PCLO: variants seen among roughly 807,000 people sequenced by gnomAD.
PCLO encodes the protein piccolo presynaptic cytomatrix protein.
Under a neutral mutation model 427.5 loss-of-function variants are expected in PCLO, and 82 were observed. The ratio of observed to expected loss-of-function variants is 0.19; its 90% CI spans 0.16 to 0.23. The LOEUF is 0.23. Ranked by LOEUF, PCLO falls within the 10% of genes least tolerant of loss-of-function variation. PCLO has a pLI of 1.00. For synonymous variants in PCLO, 2,357 were observed against 2,155.4 expected, an observed-to-expected ratio of 1.09 and a Z score of -2.59; for missense variants, 6,239 against 6,115.9, an observed-to-expected ratio of 1.02 and a Z score of -0.67.
intron 3 of PCLO, among the ~76,000 whole-genome samples, chr7:83,039,628 A>G (rs1318172980): frequency 6.6e-6 from 1 of 152,168 alleles, no homozygotes; most frequent in Non-Finnish European, 1.5e-5. Flanking sequence ...AAATTAGGAA[A>G]TATGAGTCTT....
intron 3 of PCLO, among the ~76,000 whole-genome samples, chr7:83,057,331 TA>T (rs1789409904): frequency 5.9e-5 from 1 of 16,874 alleles, no homozygotes; most frequent in Admixed American, 7.1e-4. Context: ...TATATATATA[TA>T]TATATATATA....
At chr7:83,057,358 T>A (rs1414843258) in intron 3 of PCLO, among the ~76,000 whole-genome samples, 16 of 60,212 alleles carry the variant, frequency 2.7e-4, no homozygotes, top group South Asian at 6.4e-4. Flanking sequence ...ATTTTTTTTT[T>A]TTTTTTTTTT....
intron 3 of PCLO, among the ~76,000 whole-genome samples, chr7:83,042,828 C>G (rs1272048072): frequency 1.3e-5 from 2 of 152,162 alleles, no homozygotes. Context: ...CACCACTGCC[C>G]TCTAGGCTGG....
chr7:82,798,526 C>T (rs919171934), intron 22 of PCLO, among the ~76,000 whole-genome samples: 2 of 152,128 alleles, frequency 1.3e-5, no homozygotes, highest in Non-Finnish European at 2.9e-5. Flanking sequence ...CATATTTCTA[C>T]GTGGACAAAA....
Position 82,951,241 on chromosome 7 carries a change from C to T in PCLO, c.9347G>A (p.Arg3116Lys), listed in dbSNP as rs1396171899. ...QPGSIFSTTVRDLSGIHTADA... is the reference protein window; with the variant it reads ...QPGSIFSTTVKDLSGIHTADA... ...AGCCGTATGAATACCAGACAAATCC[C>T]TCACTGTGGTGCTGAAAATGGAGCC... Residue 3116 changes from arginine (R) to lysine (K), a missense_variant, in exon 6 of 25, where the codon AGG becomes AAG. This residue lies in a region of PCLO where 4,677 missense variants were observed against 4,468.4 expected (regional missense o/e 1.05). Coordinates refer to ENST00000333891, the MANE Select transcript of PCLO (RefSeq NM_033026.6). The T allele has an allele frequency of 1.5e-5, 25 of 1,613,514 alleles. No individual in the cohort carries two copies. Among genetic ancestry groups the T allele is most frequent in the Non-Finnish European group, 1.9e-5 (23 of 1,179,762 alleles).
chr7:82,853,639 A>C (rs1467595975), intron 10 of PCLO, among the ~76,000 whole-genome samples: 2 of 152,162 alleles, frequency 1.3e-5, no homozygotes, highest in African/African-American at 4.8e-5. Context: ...CAGAATACAC[A>C]CTATTTTTAT....
At chr7:82,900,837 G>T (rs1277363932) in intron 9 of PCLO, among the ~76,000 whole-genome samples, 1 of 151,802 alleles carries the variant, frequency 6.6e-6, no homozygotes, top group East Asian at 1.9e-4. Context: ...CATTAGTAAC[G>T]TTGGGCAAAG....
rs1011364425 is a variant in PCLO at position 82,970,949 on chromosome 7, C to T, written c.3301-4462G>A. Among the ~76,000 whole-genome samples, 3 of 151,820 alleles carry T rather than the reference C, an allele frequency of 2.0e-5. No homozygotes were observed. In the East Asian group the frequency reaches 5.8e-4, roughly 29 times the overall value. ...AACTGACCAGAAAAATTTGCTTCTC[C>T]CAAAATTTTGGAAATACTCTATAAC... On this transcript the variant is annotated intron_variant, in intron 3 of 24. Coordinates refer to ENST00000333891, the MANE Select transcript of PCLO (RefSeq NM_033026.6).
intron 10 of PCLO, among the ~76,000 whole-genome samples, chr7:82,867,097 A>C (rs1793114791): frequency 6.6e-6 from 1 of 152,214 alleles, no homozygotes; most frequent in Non-Finnish European, 1.5e-5. Context: ...AAACATCATT[A>C]ATTTTAAAAA....
chr7:82,950,733 C>T lies in PCLO; in HGVS notation c.9855G>A (p.Thr3285=), dbSNP rs770502776. The stretch of plus-strand genomic sequence containing the variant: ...CAAGCTGTAACTGTTGCTGAGCTAA[C>T]GTCTCCTGCCTCATCATGAACTGGG... ...RQAQFMMRQE[T]LAQQQLQLEQ... Residue 3285 remains threonine (T), a synonymous_variant, in exon 6 of 25, where the codon ACG becomes ACA. Coordinates refer to ENST00000333891, the MANE Select transcript of PCLO (RefSeq NM_033026.6). 17 of 1,613,708 alleles carry T rather than the reference C, an allele frequency of 1.1e-5. No individual in the cohort carries two copies. The highest frequency in any genetic ancestry group is 8.0e-5 in the African/African-American group (6 of 74,904).
At chr7:83,030,101 T>A (rs1583930528) in intron 3 of PCLO, among the ~76,000 whole-genome samples, 1 of 115,128 alleles carries the variant, frequency 8.7e-6, no homozygotes, top group South Asian at 3.0e-4. Context: ...CCCTAAAACT[T>A]AAAGTATAAT....
At chr7:82,857,345 T>A (rs1040726147) in intron 10 of PCLO, among the ~76,000 whole-genome samples, 3 of 152,160 alleles carry the variant, frequency 2.0e-5, no homozygotes, top group Non-Finnish European at 4.4e-5. Context: ...TCCTCTGCTT[T>A]AAGTATTCTT....
chr7:83,079,081 A>C (rs938497277), intron 3 of PCLO, among the ~76,000 whole-genome samples: 3 of 152,090 alleles, frequency 2.0e-5, no homozygotes, highest in Non-Finnish European at 4.4e-5. Context: ...AAACATCATT[A>C]TTTTGCACTA....
intron 3 of PCLO, among the ~76,000 whole-genome samples, chr7:83,003,512 G>A (rs999862597): frequency 6.6e-6 from 1 of 151,786 alleles, no homozygotes; most frequent in Non-Finnish European, 1.5e-5. Context: ...AAATATGGAT[G>A]ACTATGTCAA....
chr7:82,823,012 C>T (rs1487864959), intron 19 of PCLO, among the ~76,000 whole-genome samples: 1 of 152,020 alleles, frequency 6.6e-6, no homozygotes, highest in Admixed American at 6.6e-5. Context: ...AGGTAGGAGA[C>T]AATACACAGG....
chr7:83,063,474 G>A (rs7806069), intron 3 of PCLO, among the ~76,000 whole-genome samples: 1 of 151,862 alleles, frequency 6.6e-6, no homozygotes, highest in Non-Finnish European at 1.5e-5. Context: ...TTTACTTTTA[G>A]TACAATATTC....
At chr7:83,012,940 G>T (rs1788120583) in intron 3 of PCLO, among the ~76,000 whole-genome samples, 2 of 151,994 alleles carry the variant, frequency 1.3e-5, no homozygotes, top group East Asian at 3.9e-4. Context: ...TGCAGAGAAG[G>T]AAAGTCACAA....
chr7:83,024,072 GA>G (rs1788414785), intron 3 of PCLO, among the ~76,000 whole-genome samples: 1 of 152,168 alleles, frequency 6.6e-6, no homozygotes, highest in African/African-American at 2.4e-5. Context: ...TACATACTCA[GA>G]TAAGAAAAGG....
chr7:82,986,855 A>G (rs374286927), intron 3 of PCLO, among the ~76,000 whole-genome samples: 2 of 151,972 alleles, frequency 1.3e-5, no homozygotes, highest in African/African-American at 2.4e-5. Context: ...CAGGAATTTT[A>G]TTACATCTAG....
Sources: gnomAD v4.1 joint callset for allele counts (sites outside exome capture counted in the v4.1 genomes callset) on GRCh38, gnomAD v4.1.1 for gene constraint, gnomAD v4.1.1 regional missense constraint, MANE v1.5 for transcripts, NCBI Gene and HGNC (gene_info 2026-07-23, HGNC 2026-07-21) for gene names.